The following IPMK variants were observed in gnomAD, a reference collection of about 807,000 sequenced individuals.
IPMK encodes the protein inositol polyphosphate multikinase.
In IPMK, 17 loss-of-function variants were observed where a neutral mutation model predicts 45.8. That is an observed-to-expected ratio of 0.37 (90% CI 0.25 to 0.56). The LOEUF is 0.56. Ranked by LOEUF, IPMK falls within the 20% of genes least tolerant of loss-of-function variation. IPMK has a pLI of 0.79. For missense variants in IPMK, 399 were observed against 498.0 expected (o/e 0.80, Z 1.89); for synonymous variants, 180 against 184.3 (o/e 0.98, Z 0.19).
chr10:58,267,587 G>A lies in IPMK; in HGVS notation c.25C>T (p.Leu9Phe), dbSNP rs1301943000. The change falls in exon 1 of 6, where the codon CTC (leucine) becomes TTC (phenylalanine). Residue 9 changes from leucine to phenylalanine, a missense_variant. Physicochemically the swap from Leu to Phe is conservative, Grantham distance 22. This residue lies in a region of IPMK where 111 missense variants were observed against 99.9 expected (regional missense o/e 1.11). Coordinates refer to ENST00000373935, the MANE Select transcript of IPMK (RefSeq NM_152230.5). ...GGGGGGCCCGGCGCCTCGACCCGGA[G>A]GGGGGATGGTGGCTCTGTTGCCATA... Reference protein sequence around the residue: MATEPPSPLRVEAPGPPEM... With the variant: MATEPPSPFRVEAPGPPEM... The A allele has an allele frequency of 1.2e-6, 2 of 1,603,782 alleles. No homozygotes were observed. Among genetic ancestry groups the A allele is most frequent in the Non-Finnish European group, 1.7e-6 (2 of 1,175,310 alleles).
intron 2 of IPMK, among the ~76,000 whole-genome samples, chr10:58,230,861 G>A (rs1205478613): frequency 2.6e-5 from 4 of 152,048 alleles, no homozygotes; most frequent in South Asian, 2.1e-4. Context: ...TCACAAGGTC[G>A]GTAATAACAA....
intron 4 of IPMK, among the ~76,000 whole-genome samples, chr10:58,204,120 G>A (rs1838037539): frequency 6.6e-6 from 1 of 152,118 alleles, no homozygotes; most frequent in Non-Finnish European, 1.5e-5. Context: ...ATAGTGCTTT[G>A]GGAGGCTGAG....
intron 1 of IPMK, among the ~76,000 whole-genome samples, chr10:58,245,360 T>A (rs982509799): frequency 3.3e-5 from 5 of 151,968 alleles, no homozygotes; most frequent in Non-Finnish European, 7.4e-5. Flanking sequence ...ATGCCTATAA[T>A]CCCAGTACTC....
chr10:58,260,633 A>G (rs1839049946), intron 1 of IPMK, among the ~76,000 whole-genome samples: 1 of 152,142 alleles, frequency 6.6e-6, no homozygotes, highest in Admixed American at 6.6e-5. Context: ...ATTCTGGCAT[A>G]TTTTTAATAA....
chr10:58,228,036 G>A (rs561222347), intron 2 of IPMK, among the ~76,000 whole-genome samples: 1 of 151,866 alleles, frequency 6.6e-6, no homozygotes, highest in Non-Finnish European at 1.5e-5. Flanking sequence ...ACTCTTGGCA[G>A]ACCAAATATC....
intron 3 of IPMK, among the ~76,000 whole-genome samples, chr10:58,225,557 G>A (rs1419535237): frequency 6.6e-6 from 1 of 152,008 alleles, no homozygotes; most frequent in Non-Finnish European, 1.5e-5. Flanking sequence ...AATTCTTTCT[G>A]TATACTCTAT....
At chr10:58,234,591 G>T (rs576526295) in intron 2 of IPMK, among the ~76,000 whole-genome samples, 248 of 152,280 alleles carry the variant, frequency 1.6e-3, no homozygotes, top group Admixed American at 5.2e-3. Context: ...AATAAATGGT[G>T]CTGGGAAAAC....
At chr10:58,266,798 G>A (rs1028006257) in intron 1 of IPMK, among the ~76,000 whole-genome samples, 1 of 152,124 alleles carries the variant, frequency 6.6e-6, no homozygotes, top group African/African-American at 2.4e-5. Context: ...TACAATATGC[G>A]TGTGAATTTC....
At chr10:58,203,606 G>T (rs900314694) in intron 4 of IPMK, among the ~76,000 whole-genome samples, 1 of 152,200 alleles carries the variant, frequency 6.6e-6, no homozygotes, top group African/African-American at 2.4e-5. Context: ...ATAAGCCACT[G>T]CCCCTGGCCT....
At chr10:58,238,848 GT>G (rs968526849) in intron 1 of IPMK, among the ~76,000 whole-genome samples, 3 of 150,524 alleles carry the variant, frequency 2.0e-5, no homozygotes, top group Non-Finnish European at 3.0e-5. Flanking sequence ...TTTGTTTTTT[GT>G]TTTTTTTTAA....
At chr10:58,208,790 C>G (rs1334239086) in intron 4 of IPMK, among the ~76,000 whole-genome samples, 1 of 152,142 alleles carries the variant, frequency 6.6e-6, no homozygotes, top group Non-Finnish European at 1.5e-5. Flanking sequence ...GTTGATGATT[C>G]CGGCTTCAGG....
intron 1 of IPMK, among the ~76,000 whole-genome samples, chr10:58,257,228 C>T (rs1336080771): frequency 2.0e-5 from 3 of 152,158 alleles, no homozygotes; most frequent in Non-Finnish European, 4.4e-5. Context: ...GGCCCGGTGG[C>T]TCACACCTGT....
rs778262151 is a variant in IPMK at position 58,267,648 on chromosome 10, GA to G, written c.-38del. 4.7e-5 allele frequency: 68 copies of G among 1,447,110 alleles called. No homozygotes were observed. The highest frequency in any genetic ancestry group is 2.4e-4 in the Middle Eastern group (1 of 4,178). 89.6% of individuals were successfully genotyped at this position (1,447,110 alleles called of 1,614,324 possible). ...GAAGCGGTAACGGCAGCGAGAGTAG[GA>G]AAAAAAATAGGGCGAGGGAGGGGGC... is the stretch of plus-strand genomic sequence containing the variant. On this transcript the variant is annotated 5_prime_UTR_variant, in exon 1 of 6. Transcript: ENST00000373935.
intron 4 of IPMK, among the ~76,000 whole-genome samples, chr10:58,200,243 C>A (rs538568456): frequency 1.1e-4 from 17 of 152,116 alleles, no homozygotes; most frequent in African/African-American, 3.9e-4. Flanking sequence ...CTCAGCCTCC[C>A]GAGTACCTGG....
chr10:58,263,637 T>A (rs1238226935), intron 1 of IPMK, among the ~76,000 whole-genome samples: 1 of 151,994 alleles, frequency 6.6e-6, no homozygotes, highest in Non-Finnish European at 1.5e-5. Flanking sequence ...GTGAACTACA[T>A]CACGCCACTG....
At chr10:58,212,096 T>C (rs1474829467) in intron 4 of IPMK, among the ~76,000 whole-genome samples, 3 of 152,062 alleles carry the variant, frequency 2.0e-5, no homozygotes, top group East Asian at 3.9e-4. Flanking sequence ...ACTTCAGATG[T>C]TGGCATTGCT....
chr10:58,207,190 AGATGGG>A (rs1285814220), intron 4 of IPMK, among the ~76,000 whole-genome samples: 1 of 152,194 alleles, frequency 6.6e-6, no homozygotes, highest in Non-Finnish European at 1.5e-5. Flanking sequence ...TTTTTAGTAG[AGATGGG>A]GTTTCACCAT....
intron 1 of IPMK, among the ~76,000 whole-genome samples, chr10:58,259,536 T>C (rs1011747920): frequency 1.3e-5 from 2 of 151,534 alleles, no homozygotes; most frequent in Non-Finnish European, 2.9e-5. Context: ...AACTAACAAA[T>C]GTAATAGGAA....
chr10:58,267,626 G>T lies in IPMK; in HGVS notation c.-15C>A. ...TCTGTTGCCATAACGGAGAGCAGAA[G>T]CGGTAACGGCAGCGAGAGTAGGAAA... On this transcript the variant is annotated 5_prime_UTR_variant, in exon 1 of 6. Coordinates refer to ENST00000373935, the MANE Select transcript of IPMK (RefSeq NM_152230.5). The T allele has an allele frequency of 6.4e-7, 1 of 1,566,616 alleles. No individual in the cohort carries two copies. The highest frequency in any genetic ancestry group is 2.3e-5 in the East Asian group (1 of 42,834).
Sources: allele counts gnomAD v4.1 joint callset (sites outside exome capture counted in the v4.1 genomes callset), GRCh38; gene constraint gnomAD v4.1.1; regional missense constraint gnomAD v4.1.1; transcripts MANE v1.5; gene names NCBI Gene and HGNC (gene_info 2026-07-23, HGNC 2026-07-21).